PRKG1: variants seen among roughly 807,000 people sequenced by gnomAD.
The protein encoded by PRKG1 is cGMP-dependent protein kinase 1.
A neutral mutation model predicts 88.1 loss-of-function variants in PRKG1; 35 were observed. The ratio of observed to expected loss-of-function variants is 0.40; its 90% CI spans 0.30 to 0.53. The LOEUF (loss-of-function observed/expected upper bound fraction) is 0.53. PRKG1 is among the 20% of genes least tolerant of loss of function. PRKG1 has a pLI of 0.59. For synonymous variants in PRKG1, 303 were observed against 292.5 expected, an observed-to-expected ratio of 1.04 and a Z score of -0.37; for missense variants, 540 against 839.8, an observed-to-expected ratio of 0.64 and a Z score of 4.41.
intron 3 of PRKG1, among the ~76,000 whole-genome samples, chr10:51,571,917 A>T (rs1333928826): frequency 6.6e-6 from 1 of 151,764 alleles, no homozygotes; most frequent in Non-Finnish European, 1.5e-5. Flanking sequence ...CTGGCTTAAA[A>T]TTTCTTATCT....
chr10:52,247,570 T>G (rs1045530045), intron 9 of PRKG1, among the ~76,000 whole-genome samples: 5 of 152,184 alleles, frequency 3.3e-5, no homozygotes, highest in African/African-American at 1.2e-4. Flanking sequence ...ATTCAAATTA[T>G]CTTCAAATAA....
chr10:51,839,631 C>G (rs1840218645), intron 4 of PRKG1, among the ~76,000 whole-genome samples: 1 of 152,154 alleles, frequency 6.6e-6, no homozygotes. Flanking sequence ...AGGAACCTGA[C>G]TTTGTTTTGG....
At chr10:51,207,736 T>C (rs535133474) in intron 2 of PRKG1, among the ~76,000 whole-genome samples, 1 of 152,298 alleles carries the variant, frequency 6.6e-6, no homozygotes, top group South Asian at 2.1e-4. Context: ...ATGGCAACTT[T>C]ATAACGTTTT....
intron 3 of PRKG1, among the ~76,000 whole-genome samples, chr10:51,528,673 G>C (rs543656889): frequency 3.0e-4 from 45 of 151,602 alleles, no homozygotes; most frequent in East Asian, 5.8e-4. Context: ...TTCTCGGGGT[G>C]GGGGGAAGAC....
At chr10:52,089,153 T>C (rs906634906) in intron 7 of PRKG1, among the ~76,000 whole-genome samples, 3 of 152,150 alleles carry the variant, frequency 2.0e-5, no homozygotes, top group African/African-American at 7.2e-5. Context: ...CGGAACCAGG[T>C]GGTAATTCCA....
chr10:52,094,257 A>T (rs1047107129), intron 7 of PRKG1, among the ~76,000 whole-genome samples: 1 of 152,180 alleles, frequency 6.6e-6, no homozygotes, highest in African/African-American at 2.4e-5. Flanking sequence ...AAATTTATGC[A>T]ATCATTCCTA....
intron 7 of PRKG1, among the ~76,000 whole-genome samples, chr10:52,113,814 A>G (rs920320623): frequency 6.6e-6 from 1 of 152,164 alleles, no homozygotes; most frequent in African/African-American, 2.4e-5. Flanking sequence ...ATGATTTTTT[A>G]AAATCTATCA....
At chr10:51,148,915 C>T (rs924196753) in intron 1 of PRKG1, among the ~76,000 whole-genome samples, 1 of 151,954 alleles carries the variant, frequency 6.6e-6, no homozygotes, top group Non-Finnish European at 1.5e-5. Context: ...TTTTTATAGT[C>T]CTTCACTGGT....
intron 4 of PRKG1, among the ~76,000 whole-genome samples, chr10:51,896,099 A>G (rs1276174561): frequency 1.3e-5 from 2 of 152,188 alleles, no homozygotes; most frequent in Non-Finnish European, 2.9e-5. Flanking sequence ...TATCTTCCTG[A>G]AAAAGAAAGG....
intron 7 of PRKG1, among the ~76,000 whole-genome samples, chr10:52,092,908 C>G (rs1170633513): frequency 6.6e-6 from 1 of 152,050 alleles, no homozygotes. Flanking sequence ...TAATTATTTT[C>G]TTGTTAATTG....
chr10:51,297,655 A>G (rs1044781804), intron 2 of PRKG1, among the ~76,000 whole-genome samples: 3 of 152,154 alleles, frequency 2.0e-5, no homozygotes, highest in Non-Finnish European at 2.9e-5. Context: ...CAGGAATGGT[A>G]GAACTTTTGT....
chr10:51,710,617 A>G (rs1841720676), intron 3 of PRKG1, among the ~76,000 whole-genome samples: 1 of 152,220 alleles, frequency 6.6e-6, no homozygotes, highest in African/African-American at 2.4e-5. Flanking sequence ...CTTAAACGTT[A>G]ACCTTAAAGC....
intron 9 of PRKG1, among the ~76,000 whole-genome samples, chr10:52,180,767 G>T (rs561137264): frequency 6.6e-6 from 1 of 152,238 alleles, no homozygotes; most frequent in Admixed American, 6.5e-5. Context: ...ATGTACATGC[G>T]CACGGTGAGT....
rs1008643142 is a variant in PRKG1, at chr10:52,297,022, C to T, written c.*3122C>T. 1 of 152,016 alleles carries T rather than the reference C, an allele frequency of 6.6e-6. No homozygotes were observed. The highest frequency in any genetic ancestry group is 1.5e-5 in the Non-Finnish European group (1 of 67,980). 9.4% of individuals were successfully genotyped at this position (152,016 alleles called of 1,614,324 possible). A position where few individuals can be genotyped will look rare whatever the true frequency, so the allele number is the denominator to read the frequency against. On this transcript the variant is annotated 3_prime_UTR_variant, in exon 18 of 18. Transcript: ENST00000373980. ...TGGTAAACAAATTTAATGAAGTCAG[C>T]TACCATGTTGAAAATAAGGATATTA...
chr10:51,016,692 T>TTTTTTTTTTTTCC (rs1554830040), intron 1 of PRKG1, among the ~76,000 whole-genome samples: 3 of 133,244 alleles, frequency 2.3e-5, no homozygotes, highest in African/African-American at 8.8e-5. Flanking sequence ...TTTTTTTTTT[T>TTTTTTTTTTTTCC]GGAATCTTGC....
intron 4 of PRKG1, among the ~76,000 whole-genome samples, chr10:51,863,226 C>T (rs1354630439): frequency 6.6e-6 from 1 of 152,118 alleles, no homozygotes; most frequent in African/African-American, 2.4e-5. Context: ...TTCTAGAAAG[C>T]AGTATAGGGA....
chr10:51,703,361 G>A (rs1841522283), intron 3 of PRKG1, among the ~76,000 whole-genome samples: 1 of 152,120 alleles, frequency 6.6e-6, no homozygotes, highest in Non-Finnish European at 1.5e-5. Flanking sequence ...AAGTGTACGG[G>A]TCCTTCAAGG....
intron 3 of PRKG1, among the ~76,000 whole-genome samples, chr10:51,743,341 C>A (rs947940893): frequency 2.4e-4 from 36 of 151,936 alleles, no homozygotes; most frequent in African/African-American, 8.5e-4. Flanking sequence ...TGCAGTGCTG[C>A]CCTTTCAGTT....
intron 2 of PRKG1, among the ~76,000 whole-genome samples, chr10:51,390,896 C>T (rs9665328): frequency 0.17 from 25,924 of 152,072 alleles, 2,443 homozygotes; most frequent in Admixed American, 0.26. Flanking sequence ...CACAGGAAAT[C>T]ACTCCACAAC....
Sources: allele counts gnomAD v4.1 joint callset (sites outside exome capture counted in the v4.1 genomes callset), GRCh38; gene constraint gnomAD v4.1.1; transcripts MANE v1.5; gene names NCBI Gene and HGNC (gene_info 2026-07-23, HGNC 2026-07-21).